CSMD1: variants seen among roughly 807,000 people sequenced by gnomAD.
CSMD1 encodes CUB and sushi domain-containing protein 1.
Under a neutral mutation model 417.5 loss-of-function variants are expected in CSMD1, and 213 were observed. That is an observed-to-expected ratio of 0.51 (90% CI 0.46 to 0.57). CSMD1 has a LOEUF of 0.57. CSMD1 is among the 20% of genes least tolerant of loss of function. The pLI, the probability that CSMD1 is intolerant of heterozygous loss-of-function variation, is 0.00. For synonymous variants in CSMD1, 2,862 were observed against 1,736.8 expected (o/e 1.65, Z -16.11); for missense variants, 6,923 against 4,529.7 (o/e 1.53, Z -15.17).
Position 2,935,591 on chromosome 8 carries a change from T to A in CSMD1, c.*2994A>T, listed in dbSNP as rs1563161133. On this transcript the variant is annotated 3_prime_UTR_variant, in exon 70 of 70. Transcript: ENST00000635120. ...CAGTTCTGTATTGTAAAAACATTTA[T>A]TTTTTAACAATGTACCTACATTAAT... 6.6e-6 allele frequency: 1 copy of A among 152,182 alleles called. No homozygotes were observed. The highest frequency in any genetic ancestry group is 1.5e-5 in the Non-Finnish European group (1 of 68,042). The allele number at this position is 152,182 out of a possible 1,614,324, so 9.4% of individuals were successfully genotyped here. A position where few individuals can be genotyped will look rare whatever the true frequency, so the allele number is the denominator to read the frequency against.
chr8:3,895,851 G>C (rs1476884144), intron 5 of CSMD1, among the ~76,000 whole-genome samples: 2 of 152,166 alleles, frequency 1.3e-5, no homozygotes, highest in Non-Finnish European at 2.9e-5. Flanking sequence ...TTCCCTTCCA[G>C]ACAAGTCGGA....
intron 3 of CSMD1, among the ~76,000 whole-genome samples, chr8:4,145,433 A>C (rs1267054718): frequency 6.6e-6 from 1 of 151,252 alleles, no homozygotes; most frequent in Non-Finnish European, 1.5e-5. Context: ...AAGTGACTTA[A>C]TCTACAGGTT....
chr8:3,504,693 G>A (rs1204311966), intron 10 of CSMD1, among the ~76,000 whole-genome samples: 1 of 151,966 alleles, frequency 6.6e-6, no homozygotes, highest in Non-Finnish European at 1.5e-5. Context: ...TGAATTCCCG[G>A]CAAATTTTAT....
intron 3 of CSMD1, among the ~76,000 whole-genome samples, chr8:4,131,996 C>G (rs1201225665): frequency 1.3e-5 from 2 of 151,844 alleles, no homozygotes; most frequent in East Asian, 1.9e-4. Context: ...GATCTCCTGA[C>G]CTCGTGATCC....
intron 41 of CSMD1, among the ~76,000 whole-genome samples, chr8:3,139,184 A>G (rs547969912): frequency 6.6e-6 from 1 of 152,328 alleles, no homozygotes; most frequent in East Asian, 1.9e-4. Flanking sequence ...TGGCGCTTGC[A>G]GAAGACTTGA....
chr8:4,148,060 C>A (rs758980352), intron 3 of CSMD1, among the ~76,000 whole-genome samples: 3 of 152,050 alleles, frequency 2.0e-5, no homozygotes, highest in Non-Finnish European at 4.4e-5. Context: ...AAGAAATATA[C>A]AAGCAGGAGG....
intron 1 of CSMD1, among the ~76,000 whole-genome samples, chr8:4,694,117 T>G (rs909627442): frequency 1.3e-5 from 2 of 152,086 alleles, no homozygotes; most frequent in East Asian, 1.9e-4. Context: ...GCTACGTACC[T>G]CCCTCACGAT....
At chr8:4,171,794 A>G (rs957812946) in intron 3 of CSMD1, among the ~76,000 whole-genome samples, 3 of 152,126 alleles carry the variant, frequency 2.0e-5, no homozygotes, top group Non-Finnish European at 2.9e-5. Flanking sequence ...TACTTGAGTA[A>G]CTTCATTCAT....
intron 1 of CSMD1, among the ~76,000 whole-genome samples, chr8:4,683,480 T>C (rs78389357): frequency 0.034 from 5,210 of 152,170 alleles, 286 homozygotes; most frequent in African/African-American, 0.12. Context: ...CCTGCACAAG[T>C]AGAGTGGACA....
At chr8:4,230,082 T>G (rs900774846) in intron 3 of CSMD1, among the ~76,000 whole-genome samples, 3 of 152,212 alleles carry the variant, frequency 2.0e-5, no homozygotes, top group African/African-American at 7.2e-5. Flanking sequence ...TATACAAGCT[T>G]ATTAGACTAC....
At chr8:4,081,212 T>G (rs1800112683) in intron 3 of CSMD1, among the ~76,000 whole-genome samples, 1 of 152,166 alleles carries the variant, frequency 6.6e-6, no homozygotes, top group Non-Finnish European at 1.5e-5. Flanking sequence ...CTGTGGCGTT[T>G]TGTTATGCAG....
At chr8:4,296,843 T>C (rs1441054968) in intron 3 of CSMD1, among the ~76,000 whole-genome samples, 2 of 152,076 alleles carry the variant, frequency 1.3e-5, no homozygotes, top group African/African-American at 4.8e-5. Flanking sequence ...GTGGAGGGCC[T>C]GCTATCTCCC....
At chr8:4,263,989 T>C (rs770828454) in intron 3 of CSMD1, among the ~76,000 whole-genome samples, 23 of 152,172 alleles carry the variant, frequency 1.5e-4, no homozygotes, top group Non-Finnish European at 3.1e-4. Flanking sequence ...GGAGACAACA[T>C]GTCTTAGAAG....
intron 3 of CSMD1, among the ~76,000 whole-genome samples, chr8:4,198,271 C>G (rs1174690757): frequency 1.3e-5 from 2 of 152,226 alleles, no homozygotes; most frequent in African/African-American, 4.8e-5. Context: ...ATTACAGAAG[C>G]ACAGAAGGTA....
chr8:3,283,373 G>T (rs1802885074), intron 26 of CSMD1, among the ~76,000 whole-genome samples: 2 of 152,152 alleles, frequency 1.3e-5, no homozygotes, highest in African/African-American at 2.4e-5. Flanking sequence ...TTTATGTAGA[G>T]ACCCACACCT....
intron 3 of CSMD1, among the ~76,000 whole-genome samples, chr8:4,090,911 C>CTTTT (rs34318541): frequency 6.9e-6 from 1 of 144,562 alleles, no homozygotes; most frequent in African/African-American, 2.5e-5. Context: ...AAGGGGCAGT[C>CTTTT]TTTTTTTTTT....
At chr8:3,246,167 C>T (rs1349164603) in intron 26 of CSMD1, among the ~76,000 whole-genome samples, 1 of 152,104 alleles carries the variant, frequency 6.6e-6, no homozygotes, top group South Asian at 2.1e-4. Context: ...TCCCATCACT[C>T]TAGCTCCACA....
chr8:4,041,456 C>A (rs1276935998), intron 3 of CSMD1, among the ~76,000 whole-genome samples: 1 of 152,136 alleles, frequency 6.6e-6, no homozygotes, highest in Non-Finnish European at 1.5e-5. Context: ...TACATCCAGC[C>A]TTAAAAAGTA....
At chr8:3,318,477 T>C (rs79971278) in intron 23 of CSMD1, among the ~76,000 whole-genome samples, 4 of 152,316 alleles carry the variant, frequency 2.6e-5, no homozygotes, top group East Asian at 3.9e-4. Context: ...CAGAAACTCA[T>C]AGTCTGTGTA....
Sources: gnomAD v4.1 joint callset for allele counts (sites outside exome capture counted in the v4.1 genomes callset) on GRCh38, gnomAD v4.1.1 for gene constraint, MANE v1.5 for transcripts, NCBI Gene and HGNC (gene_info 2026-07-23, HGNC 2026-07-21) for gene names.